PPARD: variants seen among roughly 807,000 people sequenced by gnomAD.
The protein encoded by PPARD is peroxisome proliferator activated receptor delta, also known as peroxisome proliferator-activated receptor delta.
PPARD carries 6 observed loss-of-function variants against 39.5 expected under a neutral mutation model. That is an observed-to-expected ratio of 0.15 (90% confidence interval 0.08 to 0.30). The LOEUF (loss-of-function observed/expected upper bound fraction) is 0.30, where lower values mean the gene tolerates loss of function less well. Ranked by LOEUF, PPARD falls within the 10% of genes least tolerant of loss-of-function variation. The pLI is 1.00. For missense variants in PPARD, 397 were observed against 596.8 expected (o/e 0.67, Z 3.49); for synonymous variants, 210 against 231.3 (o/e 0.91, Z 0.83).
chr6:35,414,992 G>A (rs1765657866), intron 3 of PPARD, among the ~76,000 whole-genome samples: 1 of 152,230 alleles, frequency 6.6e-6, no homozygotes, highest in African/African-American at 2.4e-5. Context: ...CCCTGGGCGT[G>A]TAGGAGTAGA....
chr6:35,421,757 C>G, intron 4 of PPARD, 63 bp from the exon 5 acceptor site: 1 of 1,523,096 alleles, frequency 6.6e-7, no homozygotes, highest in Non-Finnish European at 8.9e-7. Context: ...ATAATCGGGC[C>G]CTTTGGCACA....
chr6:35,345,510 C>G (rs1466358520), intron 1 of PPARD, among the ~76,000 whole-genome samples: 1 of 152,174 alleles, frequency 6.6e-6, no homozygotes, highest in Non-Finnish European at 1.5e-5. Context: ...CTCCTGGCCT[C>G]AAGCAGTCCT....
intron 2 of PPARD, among the ~76,000 whole-genome samples, chr6:35,378,764 C>G (rs1329482792): frequency 6.6e-6 from 1 of 152,164 alleles, no homozygotes; most frequent in Non-Finnish European, 1.5e-5. Context: ...TCACCCATCA[C>G]TTCTGACCTC....
chr6:35,344,134 C>T (rs942009681), intron 1 of PPARD, among the ~76,000 whole-genome samples: 1 of 152,086 alleles, frequency 6.6e-6, no homozygotes, highest in Non-Finnish European at 1.5e-5. Flanking sequence ...ACTGAATGTG[C>T]CTCTGATGTT....
intron 5 of PPARD, 35 bp downstream of exon 5, chr6:35,421,993 G>T: frequency 6.4e-7 from 1 of 1,569,634 alleles, no homozygotes. Flanking sequence ...CGGGCTGCTG[G>T]CTCCACACAG....
In PPARD at chr6:35,411,123, G is replaced by A; in HGVS notation, c.36G>A (p.Arg12=). Residue 12 remains arginine, a synonymous_variant, in exon 3 of 8, where the codon CGG becomes CGA. Transcript: ENST00000360694. ...EQPQEEAPEV[R]EEEEKEEVAE... is the part of the protein sequence containing the mutation. ...CACAGGAGGAAGCCCCTGAGGTCCG[G>A]GAAGAGGAGGAGAAAGAGGAAGTGG... 6.3e-7 allele frequency: 1 copy of A among 1,582,956 alleles called. No individual in the cohort carries two copies. The highest frequency in any genetic ancestry group is 1.4e-5 in the African/African-American group (1 of 73,486).
intron 2 of PPARD, among the ~76,000 whole-genome samples, chr6:35,359,652 C>T (rs998951630): frequency 2.0e-5 from 3 of 152,158 alleles, no homozygotes; most frequent in Non-Finnish European, 2.9e-5. Flanking sequence ...TCTATCCCCA[C>T]CTGTGTCTAA....
chr6:35,415,321 G>T lies in PPARD; in HGVS notation c.130+4104G>T, dbSNP rs2150802837. Among the ~76,000 whole-genome samples, 4 of 152,350 alleles carry T rather than the reference G, an allele frequency of 2.6e-5. No individual in the cohort carries two copies. In the South Asian group the frequency reaches 8.3e-4, roughly 32 times the overall value. On this transcript the variant is annotated intron_variant, in intron 3 of 7. Transcript: ENST00000360694. ...AGAATTTGGCCTGACTTCAGAAGCTGCTGGGTGCTTGTTTGCCTGTGAGCT... is the reference window on the plus strand; with the variant it reads ...AGAATTTGGCCTGACTTCAGAAGCTTCTGGGTGCTTGTTTGCCTGTGAGCT...
At chr6:35,385,066 C>T (rs1449017821) in intron 2 of PPARD, among the ~76,000 whole-genome samples, 1 of 146,620 alleles carries the variant, frequency 6.8e-6, no homozygotes. Flanking sequence ...TGACGGGCGC[C>T]TCTGCCCGGC....
intron 2 of PPARD, among the ~76,000 whole-genome samples, chr6:35,374,313 C>G (rs116218317): frequency 0.14 from 19,987 of 140,766 alleles, 3,958 homozygotes; most frequent in African/African-American, 0.45. Context: ...GGCGGTGGGG[C>G]GGGGGGGTTT....
chr6:35,417,974 A>G (rs914172511), intron 3 of PPARD, among the ~76,000 whole-genome samples: 1 of 152,180 alleles, frequency 6.6e-6, no homozygotes, highest in Non-Finnish European at 1.5e-5. Context: ...CCAAATGACT[A>G]GACACCTGCT....
At chr6:35,350,724 C>T (rs1282607380) in intron 2 of PPARD, among the ~76,000 whole-genome samples, 1 of 143,934 alleles carries the variant, frequency 6.9e-6, no homozygotes, top group African/African-American at 2.5e-5. Flanking sequence ...CTCCCGTGTT[C>T]GAGCAGTTCT....
chr6:35,391,791 T>C (rs1225770792), intron 2 of PPARD, among the ~76,000 whole-genome samples: 2 of 152,200 alleles, frequency 1.3e-5, no homozygotes, highest in African/African-American at 2.4e-5. Context: ...TTCTGAGCTA[T>C]GTGAGACTGT....
At chr6:35,396,361 C>T (rs1390217430) in intron 2 of PPARD, among the ~76,000 whole-genome samples, 2 of 151,286 alleles carry the variant, frequency 1.3e-5, no homozygotes, top group African/African-American at 2.4e-5. Flanking sequence ...CCCGCCACCA[C>T]GCCTGGCCAA....
At position 35,423,932 on chromosome 6, in the gene PPARD, C is replaced by G. The variant is rs777478274; in HGVS notation, c.425-14C>G. The G allele has an allele frequency of 1.9e-6, 3 of 1,613,460 alleles. No individual in the cohort carries two copies. The highest frequency in any genetic ancestry group is 2.5e-6 in the Non-Finnish European group (3 of 1,179,996). ...TGCCTGGGCTCCTTGCTGACTGCCC[C>G]CTTCCCTGTGCAGCTATCCGTTTTG... On this transcript the variant is annotated splice_polypyrimidine_tract_variant and intron_variant, in intron 5 of 7. Transcript: ENST00000360694.
rs1433924773 is a variant in PPARD at position 35,425,432 on chromosome 6, C to G, written c.1079-400C>G. 9.3e-7 allele frequency: 1 copy of G among 1,076,794 alleles called. No homozygotes were observed. 66.7% of individuals were successfully genotyped at this position (1,076,794 alleles called of 1,614,324 possible). A position where few individuals can be genotyped will look rare whatever the true frequency, so the allele number is the denominator to read the frequency against. On this transcript the variant is annotated intron_variant, in intron 7 of 7. Transcript: ENST00000360694. This position sits in a 1 kb window ranked among gnomAD's most constrained non-coding sequence, Gnocchi z 4.5. ...TCTAGAGCTTACTTCATGCCAGGCA[C>G]TGTTCTTTTCATCGATGATGACTCA...
At chr6:35,392,327 T>C (rs950089487) in intron 2 of PPARD, among the ~76,000 whole-genome samples, 7 of 152,242 alleles carry the variant, frequency 4.6e-5, no homozygotes, top group African/African-American at 1.4e-4. Context: ...TCCTGCAAGC[T>C]GGGAGGCGGG....
chr6:35,421,431 G>A (rs368817401), intron 4 of PPARD, among the ~76,000 whole-genome samples: 54 of 151,952 alleles, frequency 3.6e-4, no homozygotes, highest in Non-Finnish European at 5.3e-4. Flanking sequence ...TCCACCTCCC[G>A]GGTTCAAGCG....
intron 2 of PPARD, among the ~76,000 whole-genome samples, chr6:35,402,015 G>C (rs1022719900): frequency 6.6e-6 from 1 of 152,108 alleles, no homozygotes; most frequent in Non-Finnish European, 1.5e-5. Flanking sequence ...CAGTAGGAGA[G>C]ATCTGGGTCT....
Sources: allele counts gnomAD v4.1 joint callset (sites outside exome capture counted in the v4.1 genomes callset), GRCh38; gene constraint gnomAD v4.1.1; non-coding constraint Gnocchi (gnomAD v3.1); transcripts MANE v1.5; gene names NCBI Gene and HGNC (gene_info 2026-07-23, HGNC 2026-07-21).